Variants in KDM5B observed in about 807,000 individuals in gnomAD.
The protein encoded by KDM5B is lysine demethylase 5B, also known as lysine-specific demethylase 5B.
In KDM5B, 144 loss-of-function variants were observed where a neutral mutation model predicts 193.4. The observed-to-expected ratio is 0.74, with a 90% confidence interval of 0.65 to 0.86. The LOEUF is 0.86. KDM5B is among the 40% of genes least tolerant of loss of function. KDM5B has a pLI of 0.00. For synonymous variants in KDM5B, 668 were observed against 682.6 expected, an observed-to-expected ratio of 0.98 and a Z score of 0.33; for missense variants, 1,833 against 1,886.9, an observed-to-expected ratio of 0.97 and a Z score of 0.53.
At position 202,736,363 on chromosome 1, in the gene KDM5B, T is replaced by C. The variant is rs747771290; in HGVS notation, c.3114A>G (p.Thr1038=). 3 of 1,604,568 alleles carry C rather than the reference T, an allele frequency of 1.9e-6. No homozygotes were observed. Among genetic ancestry groups the C allele is most frequent in the Non-Finnish European group, 2.6e-6 (3 of 1,175,424 alleles). The change falls in exon 21 of 27, where the codon ACA becomes ACG. Residue 1038 remains threonine (T), a synonymous_variant. Coordinates refer to ENST00000367265, the MANE Select transcript of KDM5B (RefSeq NM_006618.5). ...GGCCTCGTGTAACAAGTTCTATGAG[T>C]GTGTCTAACACTGGCACACGTCCTC... ...QAGGRVPVLD[T]LIELVTRGRS... is the part of the protein sequence containing the mutation.
chr1:202,790,279 T>TG (rs1657593868), intron 1 of KDM5B, among the ~76,000 whole-genome samples: 9 of 130,310 alleles, frequency 6.9e-5, no homozygotes, highest in Admixed American at 3.4e-4. Flanking sequence ...AATGAATGAA[T>TG]GAATGGATGG....
intron 12 of KDM5B, among the ~76,000 whole-genome samples, chr1:202,751,182 A>C (rs1655775080): frequency 6.6e-6 from 1 of 152,158 alleles, no homozygotes. Context: ...TTGGAACTCA[A>C]ACTTACCTCC....
At chr1:202,767,498 T>C (rs12409769) in intron 4 of KDM5B, 174,611 of 795,094 alleles carry the variant, frequency 0.22, 20,410 homozygotes, top group Middle Eastern at 0.31. Flanking sequence ...GACCTTTTTT[T>C]CACGACCTTG....
At chr1:202,777,196 CCAAT>C (rs1444541072) in intron 1 of KDM5B, 102 bp from the exon 2 acceptor site, 20 of 865,306 alleles carry the variant, frequency 2.3e-5, no homozygotes, top group East Asian at 2.1e-4. Context: ...CTTATTCTAA[CCAAT>C]CAAACAAAAT....
intron 20 of KDM5B, 102 bp from the exon 21 acceptor site, chr1:202,736,494 C>T: frequency 1.3e-6 from 1 of 769,958 alleles, no homozygotes; most frequent in Non-Finnish European, 1.9e-6. Context: ...CTTCAGATTA[C>T]TCCATGATCT....
At chr1:202,779,523 T>G (rs1657106328) in intron 1 of KDM5B, among the ~76,000 whole-genome samples, 1 of 147,660 alleles carries the variant, frequency 6.8e-6, no homozygotes, top group Non-Finnish European at 1.5e-5. Context: ...CAGAGTTGAA[T>G]GGCCAGGCGC....
At chr1:202,799,240 A>C (rs1261374004) in intron 1 of KDM5B, among the ~76,000 whole-genome samples, 1 of 152,218 alleles carries the variant, frequency 6.6e-6, no homozygotes, top group Non-Finnish European at 1.5e-5. Context: ...TACGTTGCAG[A>C]AAAATGACTT....
At chr1:202,740,071 C>T (rs1480322853) in intron 20 of KDM5B, among the ~76,000 whole-genome samples, 5 of 151,884 alleles carry the variant, frequency 3.3e-5, no homozygotes, top group African/African-American at 1.2e-4. Context: ...GCGCCCCTCA[C>T]CTCCCGGACG....
intron 16 of KDM5B, among the ~76,000 whole-genome samples, chr1:202,745,610 C>T (rs1472175069): frequency 1.3e-5 from 2 of 152,032 alleles, no homozygotes; most frequent in Non-Finnish European, 2.9e-5. Flanking sequence ...CTAACAATAT[C>T]GTTTTTGTTA....
At chr1:202,805,920 G>C (rs1469001805) in intron 1 of KDM5B, among the ~76,000 whole-genome samples, 1 of 152,144 alleles carries the variant, frequency 6.6e-6, no homozygotes, top group Non-Finnish European at 1.5e-5. Context: ...CCACACAAAG[G>C]AGGTCTCCAA....
intron 20 of KDM5B, among the ~76,000 whole-genome samples, chr1:202,739,374 C>A (rs1205317464): frequency 1.3e-5 from 2 of 151,766 alleles, no homozygotes; most frequent in East Asian, 3.9e-4. Context: ...TTCTGGTCAA[C>A]CCCTAAAATA....
In KDM5B at chr1:202,758,304, GA is replaced by G. The variant is rs2102267681; in HGVS notation, c.1197+86del. 2.8e-6 allele frequency: 3 copies of G among 1,070,050 alleles called. No individual in the cohort carries two copies. The South Asian group carries it at 6.0e-5, about 21-fold the overall frequency. The allele number at this position is 1,070,050 out of a possible 1,614,324, so 66.3% of individuals were successfully genotyped here. On this transcript the variant is annotated intron_variant, in intron 9 of 26. Coordinates refer to ENST00000367265, the MANE Select transcript of KDM5B (RefSeq NM_006618.5). ...TCTGTGTGACAATGCCTACTAGAGT[GA>G]GGCCTCAACTAAAAATGGGTCTTCA...
intron 16 of KDM5B, among the ~76,000 whole-genome samples, chr1:202,744,185 T>C (rs1274478372): frequency 6.6e-6 from 1 of 152,186 alleles, no homozygotes; most frequent in African/African-American, 2.4e-5. Context: ...AAGATACTTT[T>C]CAAAAGAAGA....
At chr1:202,743,201 G>A (rs1655416031) in intron 16 of KDM5B, among the ~76,000 whole-genome samples, 1 of 152,008 alleles carries the variant, frequency 6.6e-6, no homozygotes, top group South Asian at 2.1e-4. Flanking sequence ...GCCAGCCATG[G>A]TGGCACACAA....
chr1:202,736,589 CACAA>C (rs1446985231), intron 20 of KDM5B, among the ~76,000 whole-genome samples, 197 bp from the exon 21 acceptor site: 7 of 152,012 alleles, frequency 4.6e-5, no homozygotes, highest in East Asian at 3.8e-4. Context: ...TCCTTCATTA[CACAA>C]ACAGAGAACC....
chr1:202,807,392 C>G (rs1249071741), intron 1 of KDM5B: 1 of 151,728 alleles, frequency 6.6e-6, no homozygotes, highest in African/African-American at 2.4e-5. Context: ...TAACGCCCCC[C>G]ACAAACATCC....
At position 202,772,893 on chromosome 1, in the gene KDM5B, C is replaced by T. The variant is rs1656779309; in HGVS notation, c.576+225G>A. Among the ~76,000 whole-genome samples, 1 of 152,086 alleles carries T rather than the reference C, an allele frequency of 6.6e-6. No individual in the cohort carries two copies. The highest frequency in any genetic ancestry group is 3.2e-3 in the Middle Eastern group (1 of 316). ...TGTATTTTTAGTAGAGACGAGGTTTCGCCATGTTGGCCAGGCTGGTCTCAA... is the reference window on the plus strand; with the variant it reads ...TGTATTTTTAGTAGAGACGAGGTTTTGCCATGTTGGCCAGGCTGGTCTCAA... On this transcript the variant is annotated intron_variant, in intron 4 of 26. Coordinates refer to ENST00000367265, the MANE Select transcript of KDM5B (RefSeq NM_006618.5).
chr1:202,740,268 G>A (rs1449984347), intron 20 of KDM5B, among the ~76,000 whole-genome samples: 13 of 144,578 alleles, frequency 9.0e-5, no homozygotes, highest in Non-Finnish European at 1.7e-4. Flanking sequence ...GGGGCGGCTG[G>A]CCGGGCAGAG....
chr1:202,749,939 T>C (rs1655726034), intron 13 of KDM5B, among the ~76,000 whole-genome samples: 1 of 152,220 alleles, frequency 6.6e-6, no homozygotes, highest in South Asian at 2.1e-4. Flanking sequence ...TTAATACAAA[T>C]ATAAAAATTA....
Sources: allele counts gnomAD v4.1 joint callset (sites outside exome capture counted in the v4.1 genomes callset), GRCh38; gene constraint gnomAD v4.1.1; transcripts MANE v1.5; gene names NCBI Gene and HGNC (gene_info 2026-07-23, HGNC 2026-07-21).